Variants in POC1B observed in about 807,000 individuals in gnomAD.
The protein encoded by POC1B is POC1 centriolar protein B.
In POC1B, 44 loss-of-function variants were observed where a neutral mutation model predicts 60.6. The ratio of observed to expected loss-of-function variants is 0.73; its 90% CI spans 0.57 to 0.93. The LOEUF (loss-of-function observed/expected upper bound fraction) is 0.93, where lower values mean the gene tolerates loss of function less well. Among genes scored for constraint, POC1B ranks in the 40% least tolerant of loss-of-function variants. The pLI is 0.00. For synonymous variants in POC1B, 180 were observed against 198.9 expected, an observed-to-expected ratio of 0.90 and a Z score of 0.80; for missense variants, 555 against 572.3, an observed-to-expected ratio of 0.97 and a Z score of 0.31.
intron 10 of POC1B, among the ~76,000 whole-genome samples, chr12:89,448,596 A>G (rs1389551227): frequency 6.6e-6 from 1 of 152,234 alleles, no homozygotes; most frequent in African/African-American, 2.4e-5. Flanking sequence ...AAGCCCTGCC[A>G]AGGGAGGTAA....
intron 4 of POC1B, among the ~76,000 whole-genome samples, chr12:89,482,347 T>C (rs1358602939): frequency 1.3e-5 from 2 of 151,808 alleles, no homozygotes; most frequent in Non-Finnish European, 2.9e-5. Flanking sequence ...TGGGACAATA[T>C]CAAGTGGTCA....
chr12:89,501,509 G>T, intron 2 of POC1B: 1 of 998,462 alleles, frequency 1.0e-6, no homozygotes, highest in Non-Finnish European at 1.5e-6. Context: ...GAAGAGATGG[G>T]AAATGATTGT....
At chr12:89,497,925 C>T (rs1869339483) in intron 2 of POC1B, among the ~76,000 whole-genome samples, 1 of 152,032 alleles carries the variant, frequency 6.6e-6, no homozygotes, top group South Asian at 2.1e-4. Flanking sequence ...ACACGTAAAC[C>T]CACACACACA....
chr12:89,456,238 C>T (rs573622165), intron 10 of POC1B, among the ~76,000 whole-genome samples: 2 of 152,288 alleles, frequency 1.3e-5, no homozygotes, highest in East Asian at 3.9e-4. Context: ...CCAGGCTAGT[C>T]CGGAACCCCT....
intron 11 of POC1B, among the ~76,000 whole-genome samples, chr12:89,423,623 G>A (rs1880635819): frequency 6.6e-6 from 1 of 152,188 alleles, no homozygotes. Context: ...GTGATGTTAA[G>A]TCATCTGTAA....
At chr12:89,501,796 A>T in intron 2 of POC1B, 2 of 1,061,356 alleles carry the variant, frequency 1.9e-6, no homozygotes, top group Non-Finnish European at 3.0e-6. Flanking sequence ...TAAGAAAACA[A>T]ATCAGTCATC....
At chr12:89,500,364 G>T in intron 2 of POC1B, 2 of 1,494,338 alleles carry the variant, frequency 1.3e-6, no homozygotes, top group South Asian at 2.3e-5. Context: ...CTTTCTTCAA[G>T]GAAGAAAGAA....
At chr12:89,485,986 C>T (rs1234308951) in intron 4 of POC1B, among the ~76,000 whole-genome samples, 1 of 152,094 alleles carries the variant, frequency 6.6e-6, no homozygotes, top group Non-Finnish European at 1.5e-5. Flanking sequence ...TTGGCTCAAA[C>T]GTCACCTTGG....
intron 2 of POC1B, among the ~76,000 whole-genome samples, chr12:89,509,813 T>G (rs570039507): frequency 6.6e-6 from 1 of 152,292 alleles, no homozygotes; most frequent in East Asian, 1.9e-4. Context: ...ACCACACCAC[T>G]GCAAAAACAA....
At chr12:89,505,771 C>A (rs1227904159) in intron 2 of POC1B, among the ~76,000 whole-genome samples, 2 of 152,190 alleles carry the variant, frequency 1.3e-5, no homozygotes, top group Non-Finnish European at 2.9e-5. Context: ...ATCACTCTAG[C>A]TGTTGTGTGG....
chr12:89,465,393 C>T (rs778995359), intron 9 of POC1B, among the ~76,000 whole-genome samples: 5 of 152,130 alleles, frequency 3.3e-5, no homozygotes, highest in Non-Finnish European at 7.3e-5. Flanking sequence ...AGTTCTGCCA[C>T]CCAACACCCT....
the POC1B span, among the ~76,000 whole-genome samples, chr12:89,410,408 G>A: frequency 6.6e-6 from 1 of 152,232 alleles, no homozygotes; most frequent in South Asian, 2.1e-4. Flanking sequence ...GGTCGGGCGC[G>A]GTGGCTCACA....
At chr12:89,453,497 A>G (rs1043534980) in intron 10 of POC1B, among the ~76,000 whole-genome samples, 26 of 152,334 alleles carry the variant, frequency 1.7e-4, no homozygotes, top group African/African-American at 6.3e-4. Context: ...TAAAGATACC[A>G]TACAAATGTC....
intron 2 of POC1B, among the ~76,000 whole-genome samples, chr12:89,518,388 A>T (rs373185918): frequency 6.6e-6 from 1 of 152,252 alleles, no homozygotes; most frequent in Non-Finnish European, 1.5e-5. Context: ...AATACTAAAT[A>T]CTACTAGCCT....
intron 10 of POC1B, chr12:89,428,025 T>C (rs1467645241): frequency 6.6e-6 from 1 of 152,218 alleles, no homozygotes; most frequent in East Asian, 1.9e-4. Context: ...ATGGGAGCAC[T>C]GTAGAGGTGA....
intron 2 of POC1B, among the ~76,000 whole-genome samples, chr12:89,512,341 T>G (rs1870230120): frequency 6.6e-6 from 1 of 152,226 alleles, no homozygotes; most frequent in Non-Finnish European, 1.5e-5. Context: ...TAATCTTTAG[T>G]AATGACAAGC....
the POC1B span, among the ~76,000 whole-genome samples, chr12:89,414,075 T>C: frequency 6.6e-6 from 1 of 152,072 alleles, no homozygotes; most frequent in African/African-American, 2.4e-5. Flanking sequence ...GTATTTTTAG[T>C]AGAGATGGGG....
chr12:89,423,839 G>T (rs1480058324), intron 11 of POC1B, among the ~76,000 whole-genome samples: 2 of 152,146 alleles, frequency 1.3e-5, no homozygotes, highest in Non-Finnish European at 2.9e-5. Context: ...GGAGAAATAG[G>T]TCATGAAACT....
chr12:89,402,864 T>C, the POC1B span, among the ~76,000 whole-genome samples: 1 of 150,550 alleles, frequency 6.6e-6, no homozygotes, highest in African/African-American at 2.5e-5. Flanking sequence ...CTCAGCCTCC[T>C]CCCAAATACC....
Sources: gnomAD v4.1 joint callset for allele counts (sites outside exome capture counted in the v4.1 genomes callset) on GRCh38, gnomAD v4.1.1 for gene constraint, MANE v1.5 for transcripts, NCBI Gene and HGNC (gene_info 2026-07-23, HGNC 2026-07-21) for gene names.